Variants in DNAI4 observed in about 807,000 individuals in gnomAD.
DNAI4 encodes the protein dynein axonemal intermediate chain 4.
A neutral mutation model predicts 105.8 loss-of-function variants in DNAI4; 85 were observed. The observed-to-expected ratio is 0.80, with a 90% CI of 0.67 to 0.96. DNAI4 has a LOEUF of 0.96. Ranked by LOEUF, DNAI4 falls within the 40% of genes least tolerant of loss-of-function variation. DNAI4 has a pLI of 0.00. For synonymous variants in DNAI4, 352 were observed against 331.5 expected, an observed-to-expected ratio of 1.06 and a Z score of -0.67; for missense variants, 1,014 against 1,005.6, an observed-to-expected ratio of 1.01 and a Z score of -0.11.
chr1:66,888,106 T>C (rs1325067994), intron 4 of DNAI4, among the ~76,000 whole-genome samples: 1 of 152,088 alleles, frequency 6.6e-6, no homozygotes, highest in Non-Finnish European at 1.5e-5. Context: ...GATGAGAGGA[T>C]TTATAACATG....
chr1:66,898,516 G>A (rs1569833275), intron 2 of DNAI4, among the ~76,000 whole-genome samples: 1 of 152,252 alleles, frequency 6.6e-6, no homozygotes, highest in Middle Eastern at 3.4e-3. Flanking sequence ...TATCAAGGGA[G>A]TGGATTAGTT....
intron 4 of DNAI4, among the ~76,000 whole-genome samples, chr1:66,882,013 GC>G (rs1647083602): frequency 6.6e-6 from 1 of 152,320 alleles, no homozygotes; most frequent in Non-Finnish European, 1.5e-5. Context: ...TTTGCGTGCT[GC>G]CATCCATGTG....
intron 8 of DNAI4, among the ~76,000 whole-genome samples, chr1:66,842,050 T>C (rs1428532417): frequency 6.6e-6 from 1 of 152,208 alleles, no homozygotes; most frequent in Non-Finnish European, 1.5e-5. Context: ...TATTTTGCCT[T>C]TTCCCAAAAC....
At chr1:66,898,136 A>G (rs937262225) in intron 2 of DNAI4, among the ~76,000 whole-genome samples, 1 of 152,210 alleles carries the variant, frequency 6.6e-6, no homozygotes, top group Non-Finnish European at 1.5e-5. Context: ...TGCTGAGTTC[A>G]GACTGTTTTG....
intron 1 of DNAI4, among the ~76,000 whole-genome samples, chr1:66,916,545 C>T (rs560052907): frequency 1.3e-5 from 2 of 152,202 alleles, no homozygotes; most frequent in East Asian, 3.9e-4. Flanking sequence ...TTCAAGGTCC[C>T]GTGACTGTTG....
chr1:66,923,767 G>A (rs773671413), intron 1 of DNAI4, among the ~76,000 whole-genome samples: 6 of 152,164 alleles, frequency 3.9e-5, no homozygotes, highest in Admixed American at 6.5e-5. Context: ...AGCTGAGGTG[G>A]AGGAGATTGG....
chr1:66,870,892 G>T (rs1646832280), intron 6 of DNAI4: 1 of 153,522 alleles, frequency 6.5e-6, no homozygotes, highest in Non-Finnish European at 1.4e-5. Context: ...AAGTATAGTA[G>T]TTAAGTGCAC....
At chr1:66,864,633 C>T (rs1425499504) in intron 6 of DNAI4, among the ~76,000 whole-genome samples, 1 of 151,932 alleles carries the variant, frequency 6.6e-6, no homozygotes, top group Non-Finnish European at 1.5e-5. Context: ...GGGCAGATCA[C>T]GAGGTCAAGA....
At chr1:66,888,517 A>AC (rs1332180140) in intron 4 of DNAI4, among the ~76,000 whole-genome samples, 1 of 152,072 alleles carries the variant, frequency 6.6e-6, no homozygotes, top group African/African-American at 2.4e-5. Flanking sequence ...ACATGGTGAA[A>AC]CCCCGTCTCT....
At position 66,814,065 on chromosome 1, in the gene DNAI4, T is replaced by C; in HGVS notation, c.*65A>G. The C allele has an allele frequency of 3.0e-6, 4 of 1,327,980 alleles. No individual in the cohort carries two copies. The highest frequency in any genetic ancestry group is 4.2e-6 in the Non-Finnish European group (4 of 953,730). 82.3% of individuals were successfully genotyped at this position (1,327,980 alleles called of 1,614,324 possible). A position where few individuals can be genotyped will look rare whatever the true frequency, so the allele number is the denominator to read the frequency against. On this transcript the variant is annotated 3_prime_UTR_variant, in exon 17 of 17. Transcript: ENST00000371026. ...TCAAAATCTGGTGTACAGTATGTAA[T>C]ACAGAATATTGGATGTTAATTCCTT...
chr1:66,827,789 C>A, intron 14 of DNAI4, 23 bp downstream of exon 14: 2 of 1,358,392 alleles, frequency 1.5e-6, no homozygotes, highest in Non-Finnish European at 2.0e-6. Flanking sequence ...ATAAATGTTC[C>A]AACCTACTAT....
intron 13 of DNAI4, 91 bp from the exon 14 acceptor site, chr1:66,828,001 C>A (rs1303685349): frequency 9.0e-6 from 7 of 780,454 alleles, no homozygotes; most frequent in Admixed American, 2.8e-5. Flanking sequence ...CTATTAAAAT[C>A]AATTCAAGAA....
At chr1:66,830,407 G>A (rs1645841293) in intron 13 of DNAI4, among the ~76,000 whole-genome samples, 1 of 151,982 alleles carries the variant, frequency 6.6e-6, no homozygotes. Context: ...TGGGAGGCCA[G>A]GGCAGGAGGA....
At chr1:66,830,789 AT>A (rs769505902) in intron 13 of DNAI4, among the ~76,000 whole-genome samples, 83 of 149,300 alleles carry the variant, frequency 5.6e-4, no homozygotes, top group South Asian at 2.7e-3. Flanking sequence ...TCAAAAAAAA[AT>A]AAATAAATAA....
chr1:66,835,699 C>G lies in DNAI4; in HGVS notation c.1660G>C (p.Val554Leu), dbSNP rs375562160. The G allele has an allele frequency of 4.3e-6, 7 of 1,613,732 alleles. No individual in the cohort carries two copies. In the South Asian group the frequency reaches 7.7e-5, roughly 18 times the overall value. The change falls in exon 11 of 17, where the codon GTT becomes CTT. Residue 554 changes from valine to leucine, a missense_variant. By Grantham distance (32) the Val-to-Leu change is conservative. Coordinates refer to ENST00000371026, the MANE Select transcript of DNAI4 (RefSeq NM_024763.5). ...FSIGAPNLLA[V>L]GYHNGTIAIY... ...GCAATTGTGCCATTGTGATAGCCAA[C>G]GGCTAAAAGGTTAGGTGCTCCAATT... is the stretch of plus-strand genomic sequence containing the variant.
intron 8 of DNAI4, among the ~76,000 whole-genome samples, chr1:66,843,434 T>C (rs1331164473): frequency 6.6e-6 from 1 of 152,200 alleles, no homozygotes; most frequent in Non-Finnish European, 1.5e-5. Context: ...TGGATAATAG[T>C]AATGTATCAG....
In DNAI4 at chr1:66,856,815, T is replaced by C. The variant is rs571525640; in HGVS notation, c.1096+5332A>G. ...AAAGGAAAATACAACTTATCAAAAT[T>C]TGTGTGGCACAGCAAAAACAGTTCT... On this transcript the variant is annotated intron_variant, in intron 7 of 16. Coordinates refer to ENST00000371026, the MANE Select transcript of DNAI4 (RefSeq NM_024763.5). Among the ~76,000 whole-genome samples, 27 of 152,168 alleles carry C rather than the reference T, an allele frequency of 1.8e-4. 1 individual carries two copies. The highest frequency in any genetic ancestry group is 6.3e-4 in the African/African-American group (26 of 41,538).
intron 4 of DNAI4, among the ~76,000 whole-genome samples, chr1:66,888,467 G>A (rs1647327096): frequency 6.6e-6 from 1 of 152,164 alleles, no homozygotes; most frequent in African/African-American, 2.4e-5. Context: ...AGCCGAGGCA[G>A]GCAGATCACG....
At chr1:66,876,568 A>C (rs1646963305) in intron 4 of DNAI4, among the ~76,000 whole-genome samples, 1 of 152,142 alleles carries the variant, frequency 6.6e-6, no homozygotes, top group Non-Finnish European at 1.5e-5. Context: ...TAGGATGGCA[A>C]ATAGGATTTT....
Sources: gnomAD v4.1 joint callset for allele counts (sites outside exome capture counted in the v4.1 genomes callset) on GRCh38, gnomAD v4.1.1 for gene constraint, MANE v1.5 for transcripts, NCBI Gene and HGNC (gene_info 2026-07-23, HGNC 2026-07-21) for gene names.